AGAP1: variants seen among roughly 807,000 people sequenced by gnomAD.
The protein encoded by AGAP1 is arf-GAP with GTPase, ANK repeat and PH domain-containing protein 1.
A neutral mutation model predicts 105.3 loss-of-function variants in AGAP1; 29 were observed. The observed-to-expected ratio is 0.28, with a 90% CI of 0.21 to 0.38. The LOEUF is 0.38. Ranked by LOEUF, AGAP1 falls within the 10% of genes least tolerant of loss-of-function variation. AGAP1 has a pLI of 1.00. For synonymous variants in AGAP1, 509 were observed against 485.9 expected (o/e 1.05, Z -0.63); for missense variants, 998 against 1,165.1 (o/e 0.86, Z 2.09).
chr2:235,822,660 G>A (rs1028638860), intron 9 of AGAP1, among the ~76,000 whole-genome samples: 2 of 151,694 alleles, frequency 1.3e-5, no homozygotes, highest in African/African-American at 2.4e-5. Flanking sequence ...AAGCCCAAGG[G>A]TGAGGAGGAG....
At position 235,882,028 on chromosome 2, in the gene AGAP1, G is replaced by A. The variant is rs2050048851; in HGVS notation, c.1051-1317G>A. On this transcript the variant is annotated intron_variant, in intron 9 of 17. Coordinates refer to ENST00000304032, the MANE Select transcript of AGAP1 (RefSeq NM_001037131.3). This position sits in a 1 kb window ranked among gnomAD's most constrained non-coding sequence, Gnocchi z 4.6. ...GTGAGAATACAGTTAATGCAGTTTGGGTTTTTCTGGGGTTTTTTTGTGGTT... is the reference window on the plus strand; with the variant it reads ...GTGAGAATACAGTTAATGCAGTTTGAGTTTTTCTGGGGTTTTTTTGTGGTT... Among the ~76,000 whole-genome samples the A allele has an allele frequency of 6.6e-6, 1 of 152,032 alleles. No individual in the cohort carries two copies. Among genetic ancestry groups the A allele is most frequent in the Non-Finnish European group, 1.5e-5 (1 of 67,972 alleles).
chr2:235,630,167 C>G (rs34479013), intron 1 of AGAP1, among the ~76,000 whole-genome samples: 21,490 of 152,034 alleles, frequency 0.14, 1,918 homozygotes, highest in Non-Finnish European at 0.2. Context: ...ACCCAGGGAG[C>G]TATCACACGA....
At chr2:235,507,840 A>G (rs183980909) in intron 1 of AGAP1, among the ~76,000 whole-genome samples, 1 of 152,234 alleles carries the variant, frequency 6.6e-6, no homozygotes, top group East Asian at 1.9e-4. Context: ...AGGGGTACAC[A>G]TGCAGGTGTG....
At chr2:235,810,598 T>A (rs1958082603) in intron 9 of AGAP1, among the ~76,000 whole-genome samples, 1 of 152,208 alleles carries the variant, frequency 6.6e-6, no homozygotes. Flanking sequence ...TTCACTTCCA[T>A]CTGATACCTC....
At position 236,036,780 on chromosome 2, in the gene AGAP1, A is replaced by G. The variant is rs1241072189; in HGVS notation, c.1800+65A>G. The G allele has an allele frequency of 3.1e-6, 5 of 1,597,168 alleles. No individual in the cohort carries two copies. The Admixed American group carries it at 5.3e-5, about 17-fold the overall frequency. On this transcript the variant is annotated intron_variant, in intron 14 of 17. Transcript: ENST00000304032. This position sits in a 1 kb window ranked among gnomAD's most constrained non-coding sequence, Gnocchi z 5.7. Reference sequence around the variant, plus strand: ...TCAGGGGGAGTGCGGGCCCCAAGTAATGCCCCAGGGAGGAGAAAATAGAGG... The same window carrying G: ...TCAGGGGGAGTGCGGGCCCCAAGTAGTGCCCCAGGGAGGAGAAAATAGAGG...
chr2:235,972,826 AAC>A (rs766478300), intron 13 of AGAP1, among the ~76,000 whole-genome samples: 1 of 152,120 alleles, frequency 6.6e-6, no homozygotes, highest in Non-Finnish European at 1.5e-5. Flanking sequence ...GTGGTCCACA[AAC>A]ACAGGAAACG....
rs2049493288 is a variant in AGAP1, at chr2:235,872,481, A to G, written c.1051-10864A>G. On this transcript the variant is annotated intron_variant, in intron 9 of 17. Coordinates refer to ENST00000304032, the MANE Select transcript of AGAP1 (RefSeq NM_001037131.3). The surrounding 1 kb of genome is among the most constrained non-coding windows in gnomAD (Gnocchi z 4.5). ...GGGTTATGCAGAATCAAAAAGACTT[A>G]GGATCACAGGGGCCATTGGCACTCA... Among the ~76,000 whole-genome samples the G allele has an allele frequency of 6.6e-6, 1 of 152,168 alleles. No individual in the cohort carries two copies. Among genetic ancestry groups the G allele is most frequent in the Non-Finnish European group, 1.5e-5 (1 of 68,036 alleles).
intron 1 of AGAP1, among the ~76,000 whole-genome samples, chr2:235,684,561 C>T (rs762269029): frequency 2.0e-5 from 3 of 152,204 alleles, no homozygotes; most frequent in Non-Finnish European, 2.9e-5. Flanking sequence ...GCAGCAACTT[C>T]TGCACTCATT....
Position 235,642,782 on chromosome 2 carries a change from GAGA to G in AGAP1, c.164-66394_164-66392del, listed in dbSNP as rs1947241877. ...GCTTTTAGAAGGAGGGGGGAAAATA[GAGA>G]AGTAGTTATCTCATTGTCTTGGAAT... On this transcript the variant is annotated intron_variant, in intron 1 of 17. Coordinates refer to ENST00000304032, the MANE Select transcript of AGAP1 (RefSeq NM_001037131.3). This position sits in a 1 kb window ranked among gnomAD's most constrained non-coding sequence, Gnocchi z 4.1. Among the ~76,000 whole-genome samples, 2 of 152,254 alleles carry G rather than the reference GAGA, an allele frequency of 1.3e-5. No homozygotes were observed. Among genetic ancestry groups the G allele is most frequent in the Non-Finnish European group, 2.9e-5 (2 of 68,048 alleles).
In AGAP1 at chr2:236,014,253, G is replaced by A. The variant is rs73121836; in HGVS notation, c.1646-22308G>A. ...CAGGACAGCAGAATGGCACTAGGGG[G>A]TTTTGCTGCTGTAGGTATTGCCTGA... On this transcript the variant is annotated intron_variant, in intron 13 of 17. Coordinates refer to ENST00000304032, the MANE Select transcript of AGAP1 (RefSeq NM_001037131.3). This position sits in a 1 kb window ranked among gnomAD's most constrained non-coding sequence, Gnocchi z 6.3. Among the ~76,000 whole-genome samples the A allele has an allele frequency of 0.021, 3,264 of 152,256 alleles. 115 individuals are homozygous for A. Among genetic ancestry groups the A allele is most frequent in the African/African-American group, 0.075 (3,114 of 41,540 alleles).
In AGAP1 at chr2:236,076,520, T is replaced by C. The variant is rs549310774; in HGVS notation, c.2114+27239T>C. ...GGCCCATAACAAGCTGTCCTGACCT[T>C]CTCAGTGTGTGACCCAGGACACCGT... On this transcript the variant is annotated intron_variant, in intron 16 of 17. Coordinates refer to ENST00000304032, the MANE Select transcript of AGAP1 (RefSeq NM_001037131.3). The surrounding 1 kb of genome is among the most constrained non-coding windows in gnomAD (Gnocchi z 4.4). Among the ~76,000 whole-genome samples the C allele has an allele frequency of 2.1e-5, 3 of 142,848 alleles. No homozygotes were observed. The South Asian group carries it at 6.5e-4, about 31-fold the overall frequency. The allele number at this position is 142,848 out of a possible 152,430, so 93.7% of individuals were successfully genotyped here.
intron 1 of AGAP1, among the ~76,000 whole-genome samples, chr2:235,531,982 C>G (rs1489198842): frequency 1.3e-5 from 2 of 152,098 alleles, no homozygotes; most frequent in Non-Finnish European, 2.9e-5. Context: ...GATCGGACAC[C>G]TGGCAGACAC....
chr2:235,529,640 T>C (rs1324407690), intron 1 of AGAP1, among the ~76,000 whole-genome samples: 1 of 152,212 alleles, frequency 6.6e-6, no homozygotes, highest in African/African-American at 2.4e-5. Context: ...ATTGAGGTTA[T>C]TTCATGACTG....
intron 9 of AGAP1, among the ~76,000 whole-genome samples, chr2:235,841,049 CA>C (rs140550471): frequency 1.4e-3 from 220 of 152,128 alleles, no homozygotes; most frequent in African/African-American, 5.1e-3. Context: ...AGGACTACAG[CA>C]TGTCCATTGG....
chr2:236,073,185 C>T lies in AGAP1; in HGVS notation c.2114+23904C>T, dbSNP rs962244372. On this transcript the variant is annotated intron_variant, in intron 16 of 17. Transcript: ENST00000304032. The surrounding 1 kb of genome is among the most constrained non-coding windows in gnomAD (Gnocchi z 5.4). ...TAATTTTTGTATTTTTTAGTAGAGA[C>T]GGGGTTTCTCCATATTGGCCAGGCT... is the stretch of plus-strand genomic sequence containing the variant. Among the ~76,000 whole-genome samples, 5 of 151,756 alleles carry T rather than the reference C, an allele frequency of 3.3e-5. No homozygotes were observed. The highest frequency in any genetic ancestry group is 4.8e-5 in the African/African-American group (2 of 41,320).
chr2:235,710,553 T>C (rs761612588), intron 2 of AGAP1, among the ~76,000 whole-genome samples: 2 of 152,194 alleles, frequency 1.3e-5, no homozygotes, highest in Non-Finnish European at 2.9e-5. Context: ...CACTTGCCCG[T>C]GGGAGACAAA....
intron 1 of AGAP1, among the ~76,000 whole-genome samples, chr2:235,687,457 T>C (rs1949509622): frequency 6.6e-6 from 1 of 152,228 alleles, no homozygotes; most frequent in Admixed American, 6.5e-5. Flanking sequence ...TAGTTGACCT[T>C]TGGGGGTGAC....
At position 235,957,430 on chromosome 2, in the gene AGAP1, A is replaced by G. The variant is rs1463534497; in HGVS notation, c.1484-11032A>G. On this transcript the variant is annotated intron_variant, in intron 12 of 17. Coordinates refer to ENST00000304032, the MANE Select transcript of AGAP1 (RefSeq NM_001037131.3). This position sits in a 1 kb window ranked among gnomAD's most constrained non-coding sequence, Gnocchi z 4.6. ...TCTTTTCCTTTCGCCAACACCTGTCATCTTCCTGGGCCCCCTGCCGTGTCC... is the reference window on the plus strand; with the variant it reads ...TCTTTTCCTTTCGCCAACACCTGTCGTCTTCCTGGGCCCCCTGCCGTGTCC... Among the ~76,000 whole-genome samples, 1 of 152,076 alleles carries G rather than the reference A, an allele frequency of 6.6e-6. No individual in the cohort carries two copies. Among genetic ancestry groups the G allele is most frequent in the East Asian group, 1.9e-4 (1 of 5,186 alleles).
intron 9 of AGAP1, among the ~76,000 whole-genome samples, chr2:235,817,574 T>G (rs1269276299): frequency 6.6e-6 from 1 of 152,114 alleles, no homozygotes; most frequent in Non-Finnish European, 1.5e-5. Flanking sequence ...AATGTAAATA[T>G]TATAAAGTAG....
Sources: gnomAD v4.1 joint callset for allele counts (sites outside exome capture counted in the v4.1 genomes callset) on GRCh38, gnomAD v4.1.1 for gene constraint, Gnocchi (gnomAD v3.1) non-coding constraint, MANE v1.5 for transcripts, NCBI Gene and HGNC (gene_info 2026-07-23, HGNC 2026-07-21) for gene names.